PAPPA2: variants seen among roughly 807,000 people sequenced by gnomAD.
PAPPA2 encodes pappalysin 2, also known as pappalysin-2.
Under a neutral mutation model 176.4 loss-of-function variants are expected in PAPPA2, and 86 were observed. The ratio of observed to expected loss-of-function variants is 0.49; its 90% confidence interval spans 0.41 to 0.58. The LOEUF is 0.58. Ranked by LOEUF, PAPPA2 falls within the 20% of genes least tolerant of loss-of-function variation. The pLI is 0.00. For missense variants in PAPPA2, 2,073 were observed against 2,256.9 expected (o/e 0.92, Z 1.65); for synonymous variants, 809 against 852.2 (o/e 0.95, Z 0.88).
intron 3 of PAPPA2, among the ~76,000 whole-genome samples, chr1:176,647,488 A>T (rs1184328057): frequency 6.6e-6 from 1 of 151,626 alleles, no homozygotes; most frequent in Non-Finnish European, 1.5e-5. Context: ...ATCTTAGCCC[A>T]GTCCAATGCC....
intron 3 of PAPPA2, among the ~76,000 whole-genome samples, chr1:176,635,946 G>T (rs938465553): frequency 6.6e-6 from 1 of 152,088 alleles, no homozygotes; most frequent in Non-Finnish European, 1.5e-5. Flanking sequence ...ACCTGACATT[G>T]TCAAGAATGA....
chr1:176,677,025 G>C (rs1659336217), intron 4 of PAPPA2, among the ~76,000 whole-genome samples: 1 of 152,060 alleles, frequency 6.6e-6, no homozygotes, highest in Non-Finnish European at 1.5e-5. Context: ...GATTATTAAT[G>C]TGCTTTTCAG....
At chr1:176,560,263 A>G (rs1262360130) in intron 2 of PAPPA2, among the ~76,000 whole-genome samples, 4 of 152,210 alleles carry the variant, frequency 2.6e-5, no homozygotes, top group African/African-American at 4.8e-5. Flanking sequence ...AAAATCAACT[A>G]AAGTTTCCCC....
chr1:176,787,319 C>T (rs1557871287), intron 17 of PAPPA2, among the ~76,000 whole-genome samples: 3 of 151,966 alleles, frequency 2.0e-5, no homozygotes, highest in Non-Finnish European at 2.9e-5. Flanking sequence ...ACTGCAGCCT[C>T]AACTTCCCAG....
chr1:176,591,608 T>G (rs1217956192), intron 2 of PAPPA2, among the ~76,000 whole-genome samples: 11 of 152,228 alleles, frequency 7.2e-5, no homozygotes, highest in African/African-American at 2.4e-4. Flanking sequence ...CACCAAGTAC[T>G]GAGATTAGCA....
At chr1:176,769,870 C>T (rs1484549300) in intron 16 of PAPPA2, 86 bp downstream of exon 16, 2 of 1,356,132 alleles carry the variant, frequency 1.5e-6, no homozygotes, top group East Asian at 4.8e-5. Flanking sequence ...TTCGTTACCC[C>T]AACACCTTTC....
At chr1:176,653,126 T>G (rs1007208394) in intron 3 of PAPPA2, among the ~76,000 whole-genome samples, 1 of 151,686 alleles carries the variant, frequency 6.6e-6, no homozygotes, top group Middle Eastern at 3.2e-3. Context: ...AAGTATATGT[T>G]TAGAACACCA....
chr1:176,818,935 G>C (rs533866783), intron 21 of PAPPA2, among the ~76,000 whole-genome samples: 1 of 152,164 alleles, frequency 6.6e-6, no homozygotes, highest in African/African-American at 2.4e-5. Context: ...CCTTATACTG[G>C]CCCTATTATT....
chr1:176,716,552 G>A (rs903049747), intron 12 of PAPPA2, among the ~76,000 whole-genome samples: 6 of 143,370 alleles, frequency 4.2e-5, no homozygotes, highest in African/African-American at 7.8e-5. Context: ...AGCCTTAATC[G>A]AACCTCTTAA....
chr1:176,623,630 A>ACTTACTTTCTTTCTTTCTTTCTTT (rs1655751248), intron 3 of PAPPA2, among the ~76,000 whole-genome samples: 7 of 83,978 alleles, frequency 8.3e-5, no homozygotes, highest in Non-Finnish European at 1.1e-4. Flanking sequence ...TTCCTTTTTT[A>ACTTACTTTCTTTCTTTCTTTCTTT]CTTTCTTTCT....
intron 3 of PAPPA2, among the ~76,000 whole-genome samples, chr1:176,656,214 G>A (rs1481728653): frequency 6.6e-6 from 1 of 151,722 alleles, no homozygotes; most frequent in Non-Finnish European, 1.5e-5. Context: ...ACTCTAAATG[G>A]AAAACAAGGC....
chr1:176,587,548 T>C (rs1167007672), intron 2 of PAPPA2, among the ~76,000 whole-genome samples: 2 of 152,218 alleles, frequency 1.3e-5, no homozygotes, highest in Non-Finnish European at 2.9e-5. Flanking sequence ...GAATAGAAGA[T>C]CCTTTCCCCA....
At chr1:176,834,354 G>A (rs948719223) in intron 21 of PAPPA2, among the ~76,000 whole-genome samples, 3 of 152,192 alleles carry the variant, frequency 2.0e-5, no homozygotes, top group African/African-American at 4.8e-5. Context: ...CATATTCCAA[G>A]AAGACTTGCA....
At chr1:176,745,008 G>GTAC (rs1390383903) in intron 14 of PAPPA2, among the ~76,000 whole-genome samples, 34 of 152,172 alleles carry the variant, frequency 2.2e-4, no homozygotes, top group Admixed American at 2.1e-3. Flanking sequence ...CCAGGTTGGA[G>GTAC]TACCACCTGT....
At chr1:176,470,776 A>G (rs781082539) in intron 1 of PAPPA2, among the ~76,000 whole-genome samples, 65 of 152,232 alleles carry the variant, frequency 4.3e-4, no homozygotes, top group Admixed American at 1.0e-3. Context: ...CTTTGTGCTT[A>G]TCAGCTTTGT....
At chr1:176,567,707 A>G (rs2102608044) in intron 2 of PAPPA2, among the ~76,000 whole-genome samples, 1 of 152,350 alleles carries the variant, frequency 6.6e-6, no homozygotes, top group African/African-American at 2.4e-5. Context: ...ATAACAAATT[A>G]TATGTGTATA....
At chr1:176,475,423 C>T (rs188510932) in intron 1 of PAPPA2, among the ~76,000 whole-genome samples, 4 of 152,322 alleles carry the variant, frequency 2.6e-5, no homozygotes, top group African/African-American at 9.6e-5. Context: ...TAAGTTGTTA[C>T]TGGCCTCAGT....
chr1:176,514,821 G>A (rs1034707137), intron 1 of PAPPA2, among the ~76,000 whole-genome samples: 1 of 152,218 alleles, frequency 6.6e-6, no homozygotes, highest in African/African-American at 2.4e-5. Flanking sequence ...ATTACAGAAA[G>A]CCTCTCCGGC....
intron 21 of PAPPA2, among the ~76,000 whole-genome samples, chr1:176,804,446 AC>A (rs911077190): frequency 6.6e-6 from 1 of 152,206 alleles, no homozygotes; most frequent in African/African-American, 2.4e-5. Flanking sequence ...CATACAGTGC[AC>A]AGTATAGCCC....
Sources: allele counts gnomAD v4.1 joint callset (sites outside exome capture counted in the v4.1 genomes callset), GRCh38; gene constraint gnomAD v4.1.1; transcripts MANE v1.5; gene names NCBI Gene and HGNC (gene_info 2026-07-23, HGNC 2026-07-21).